IRAG2: variants seen among roughly 807,000 people sequenced by gnomAD.
The protein encoded by IRAG2 is lymphoid restricted membrane protein.
In IRAG2, 45 loss-of-function variants were observed where a neutral mutation model predicts 69.9. That is an observed-to-expected ratio of 0.64 (90% CI 0.51 to 0.83). The LOEUF (loss-of-function observed/expected upper bound fraction) is 0.83, where lower values mean the gene tolerates loss of function less well. IRAG2 is among the 40% of genes least tolerant of loss of function. IRAG2 has a pLI of 0.00. For synonymous variants in IRAG2, 193 were observed against 202.4 expected (o/e 0.95, Z 0.40); for missense variants, 520 against 587.0 (o/e 0.89, Z 1.18).
intron 2 of IRAG2, among the ~76,000 whole-genome samples, chr12:25,005,641 A>G (rs1376574180): frequency 3.3e-5 from 5 of 152,080 alleles, no homozygotes; most frequent in South Asian, 2.1e-4. Flanking sequence ...AACTACTTAC[A>G]TGTCGTAGGT....
chr12:25,083,660 T>C (rs1200463486), intron 10 of IRAG2, among the ~76,000 whole-genome samples, 167 bp downstream of exon 10: 2 of 152,248 alleles, frequency 1.3e-5, no homozygotes, highest in Middle Eastern at 3.2e-3. Context: ...GAGGCCAAAG[T>C]GTTTTTGTGA....
chr12:25,011,394 A>G (rs1332707869), exon 3 of IRAG2: 3 of 1,231,608 alleles, frequency 2.4e-6, no homozygotes, highest in Non-Finnish European at 3.0e-6. Context: ...GGCCAAAATA[A>G]TCAATTTCCT....
rs140727004 is a variant in IRAG2, at chr12:25,019,519, A to T, written c.1215-1271A>T. On this transcript the variant is annotated intron_variant, in intron 6 of 38. Coordinates refer to the IRAG2 transcript ENST00000636465. Reference sequence around the variant, plus strand: ...CCTGGCCAAACTTCTCTCTGACCTTAGTCTCTGATGTCCAGCTGCCTCTTC... The same window carrying T: ...CCTGGCCAAACTTCTCTCTGACCTTTGTCTCTGATGTCCAGCTGCCTCTTC... 3.9e-5 allele frequency among the ~76,000 whole-genome samples: 6 copies of T among 152,304 alleles called. No homozygotes were observed. In the South Asian group the frequency reaches 8.3e-4, roughly 21 times the overall value.
intron 21 of IRAG2, 90 bp from the exon 22 acceptor site, chr12:25,107,727 G>A: frequency 1.6e-6 from 2 of 1,290,170 alleles, no homozygotes; most frequent in South Asian, 2.7e-5. Context: ...GGGTATGAAG[G>A]GCAGATCACC....
chr12:25,027,520 G>A (rs1244012563), intron 9 of IRAG2, among the ~76,000 whole-genome samples: 3 of 150,714 alleles, frequency 2.0e-5, no homozygotes, highest in Non-Finnish European at 4.4e-5. Context: ...TCAGCCTCCC[G>A]AGTAGCTGGG....
intron 6 of IRAG2, among the ~76,000 whole-genome samples, chr12:25,072,215 AAAAG>A (rs1184309824): frequency 6.6e-6 from 1 of 152,140 alleles, no homozygotes; most frequent in Non-Finnish European, 1.5e-5. Flanking sequence ...AAAAGAAAAA[AAAAG>A]AAAGAAAAAG....
chr12:25,023,488 C>T (rs891957235), intron 7 of IRAG2, among the ~76,000 whole-genome samples: 3 of 152,112 alleles, frequency 2.0e-5, no homozygotes, highest in Non-Finnish European at 2.9e-5. Flanking sequence ...GATGTTGCAT[C>T]TGAGAATATC....
At chr12:25,069,188 G>C (rs1946170795) in intron 5 of IRAG2, among the ~76,000 whole-genome samples, 162 bp from the exon 6 acceptor site, 1 of 152,152 alleles carries the variant, frequency 6.6e-6, no homozygotes, top group South Asian at 2.1e-4. Context: ...GATGGAGGTG[G>C]GAACTCTCTT....
rs1565562770 is a variant in IRAG2 at position 25,077,266 on chromosome 12, A to AATATATATGATATATATATGAAAT, written c.25-1968_25-1967insTATATATATGAAATATATATATGA. On this transcript the variant is annotated intron_variant, in intron 6 of 21. Coordinates refer to ENST00000556887, the MANE Select transcript of IRAG2 (RefSeq NM_001366544.2). ...AAATATATATATGATATATATATGA[A>AATATATATGATATATATATGAAAT]ATATATATGAAATATATATGATATA... 7.6e-4 allele frequency among the ~76,000 whole-genome samples: 25 copies of AATATATATGATATATATATGAAAT among 32,856 alleles called. 6 individuals carry two copies. The highest frequency in any genetic ancestry group is 2.4e-3 in the African/African-American group (24 of 10,088). The allele number at this position is 32,856 out of a possible 152,430, so 21.6% of individuals were successfully genotyped here. A position where few individuals can be genotyped will look rare whatever the true frequency, so the allele number is the denominator to read the frequency against.
intron 16 of IRAG2, among the ~76,000 whole-genome samples, chr12:25,041,682 T>TC (rs1944750665): frequency 6.6e-6 from 1 of 150,640 alleles, no homozygotes; most frequent in Non-Finnish European, 1.5e-5. Flanking sequence ...GTTTTTTTTT[T>TC]TTTCAGTAGA....
At chr12:25,000,377 G>A (rs370230884), upstream of IRAG2, among the ~76,000 whole-genome samples, 16 of 152,190 alleles carry the variant, frequency 1.1e-4, no homozygotes, top group African/African-American at 3.6e-4. Context: ...AGCCTGGGAG[G>A]TGGAGGTTCC....
At chr12:25,079,562 A>G (rs1947056070) in intron 8 of IRAG2, 94 bp from the exon 9 acceptor site, 2 of 1,294,418 alleles carry the variant, frequency 1.5e-6, no homozygotes, top group Non-Finnish European at 2.2e-6. Context: ...TGAGAAGAAC[A>G]TAGGCAAATA....
At chr12:25,057,233 T>G (rs1269667833) in intron 1 of IRAG2, among the ~76,000 whole-genome samples, 1 of 146,310 alleles carries the variant, frequency 6.8e-6, no homozygotes, top group Non-Finnish European at 1.5e-5. Flanking sequence ...GGTAGGTAGG[T>G]AGGTAGACAG....
At chr12:25,078,139 T>C (rs1042440322) in intron 6 of IRAG2, among the ~76,000 whole-genome samples, 2 of 152,224 alleles carry the variant, frequency 1.3e-5, no homozygotes, top group Non-Finnish European at 2.9e-5. Context: ...TCATTACCTG[T>C]AATAAGTAAA....
chr12:25,017,717 C>CA (rs144005949), intron 6 of IRAG2, among the ~76,000 whole-genome samples: 45,521 of 142,266 alleles, frequency 0.32, 8,817 homozygotes, highest in Admixed American at 0.49. Flanking sequence ...GACTCTGTCT[C>CA]AAAAAAAAAA....
chr12:25,001,642 G>T (rs1944391725), upstream of IRAG2, among the ~76,000 whole-genome samples: 1 of 152,150 alleles, frequency 6.6e-6, no homozygotes, highest in Non-Finnish European at 1.5e-5. Context: ...GGATTTGGGA[G>T]CATGAGTTTC....
At chr12:25,077,209 G>C (rs940731818) in intron 6 of IRAG2, among the ~76,000 whole-genome samples, 9 of 33,720 alleles carry the variant, frequency 2.7e-4, no homozygotes, top group South Asian at 9.8e-4. Context: ...ATATATATAT[G>C]ATATATATGA....
intron 21 of IRAG2, among the ~76,000 whole-genome samples, chr12:25,107,335 AG>A: frequency 1.3e-5 from 2 of 152,302 alleles, no homozygotes; most frequent in East Asian, 3.9e-4. Context: ...ATTTTGTTAT[AG>A]GCATGTATCC....
intron 6 of IRAG2, among the ~76,000 whole-genome samples, chr12:25,019,761 C>G (rs1944563156): frequency 1.3e-5 from 2 of 152,042 alleles, no homozygotes. Context: ...CTGCCCTTTT[C>G]TACCTAGTGT....
Sources: allele counts gnomAD v4.1 joint callset (sites outside exome capture counted in the v4.1 genomes callset), GRCh38; gene constraint gnomAD v4.1.1; transcripts MANE v1.5; gene names NCBI Gene and HGNC (gene_info 2026-07-23, HGNC 2026-07-21).